Variants in NALCN observed in about 807,000 individuals in gnomAD.
NALCN encodes the protein sodium leak channel, non-selective.
In NALCN, 111 loss-of-function variants were observed where a neutral mutation model predicts 225.3. That is an observed-to-expected ratio of 0.49 (90% confidence interval 0.42 to 0.58). The LOEUF (loss-of-function observed/expected upper bound fraction) is 0.58, where lower values mean the gene tolerates loss of function less well. Among genes scored for constraint, NALCN ranks in the 20% least tolerant of loss-of-function variants. NALCN has a pLI of 0.00. For synonymous variants in NALCN, 764 were observed against 769.0 expected (o/e 0.99, Z 0.11); for missense variants, 1,378 against 2,202.4 (o/e 0.63, Z 7.49).
At chr13:101,125,755 C>T (rs2036199134) in intron 17 of NALCN, among the ~76,000 whole-genome samples, 1 of 152,186 alleles carries the variant, frequency 6.6e-6, no homozygotes, top group African/African-American at 2.4e-5. Context: ...GGAGGTTATA[C>T]TGGGCCTTGA....
intron 4 of NALCN, among the ~76,000 whole-genome samples, chr13:101,377,842 A>T (rs957923080): frequency 6.6e-6 from 1 of 151,864 alleles, no homozygotes; most frequent in South Asian, 2.1e-4. Context: ...GATCAAATCA[A>T]ATCAATAGAA....
At chr13:101,171,869 T>C (rs149448797) in intron 15 of NALCN, among the ~76,000 whole-genome samples, 3 of 152,356 alleles carry the variant, frequency 2.0e-5, no homozygotes, top group East Asian at 1.9e-4. Flanking sequence ...AAGAAATTCA[T>C]TGTAGCTTTA....
At chr13:101,156,023 T>C (rs1408790984) in intron 15 of NALCN, among the ~76,000 whole-genome samples, 1 of 152,202 alleles carries the variant, frequency 6.6e-6, no homozygotes, top group African/African-American at 2.4e-5. Context: ...CATGTATCTG[T>C]ATAAATATGT....
At chr13:101,204,794 T>C (rs993962277) in intron 13 of NALCN, among the ~76,000 whole-genome samples, 1 of 152,148 alleles carries the variant, frequency 6.6e-6, no homozygotes, top group Non-Finnish European at 1.5e-5. Flanking sequence ...CATGAATTTG[T>C]ACTAGGATTT....
intron 10 of NALCN, among the ~76,000 whole-genome samples, chr13:101,259,685 C>T (rs1404553049): frequency 6.7e-6 from 1 of 148,436 alleles, no homozygotes; most frequent in Non-Finnish European, 1.5e-5. Context: ...TACTATGTTC[C>T]AGGCCATATT....
intron 6 of NALCN, among the ~76,000 whole-genome samples, chr13:101,363,596 G>T (rs1393695988): frequency 1.3e-5 from 2 of 152,036 alleles, no homozygotes; most frequent in African/African-American, 4.8e-5. Flanking sequence ...AAGGATTAAA[G>T]ACTTAAATCT....
rs1246303394 is a variant in NALCN at position 101,258,581 on chromosome 13, G to A, written c.1135-7C>T. 5.0e-6 allele frequency: 8 copies of A among 1,614,000 alleles called. No homozygotes were observed. The highest frequency in any genetic ancestry group is 6.8e-6 in the Non-Finnish European group (8 of 1,180,010). ...CGGATGACCGCATCATTTTCTGAGGGGGCGAAACAGACAGACTCTTAACAA... is the reference window on the plus strand; with the variant it reads ...CGGATGACCGCATCATTTTCTGAGGAGGCGAAACAGACAGACTCTTAACAA... On this transcript the variant is annotated splice_region_variant and splice_polypyrimidine_tract_variant and intron_variant, in intron 10 of 43. Transcript: ENST00000251127.
chr13:101,183,543 TC>T (rs2039327671), intron 14 of NALCN, among the ~76,000 whole-genome samples: 1 of 152,156 alleles, frequency 6.6e-6, no homozygotes, highest in Non-Finnish European at 1.5e-5. Flanking sequence ...CACTGCAACC[TC>T]TACCTCCCGG....
At chr13:101,114,795 T>C (rs1380629919) in intron 18 of NALCN, among the ~76,000 whole-genome samples, 1 of 152,210 alleles carries the variant, frequency 6.6e-6, no homozygotes, top group African/African-American at 2.4e-5. Context: ...TTATTATCAC[T>C]GCCTTAAAAA....
At position 101,226,263 on chromosome 13, in the gene NALCN, CATCCCA is replaced by C. The variant is rs558520053; in HGVS notation, c.1626+3124_1626+3129del. ...TGAGACAGCCTCCCCTCCAACCAGA[CATCCCA>C]ATCCCAACCCCACAATAAACTTTCC... On this transcript the variant is annotated intron_variant, in intron 13 of 43. Coordinates refer to ENST00000251127, the MANE Select transcript of NALCN (RefSeq NM_052867.4). Among the ~76,000 whole-genome samples, 293 of 152,254 alleles carry C rather than the reference CATCCCA, an allele frequency of 1.9e-3. 1 individual carries two copies. The highest frequency in any genetic ancestry group is 4.2e-3 in the Admixed American group (64 of 15,290).
intron 34 of NALCN, among the ~76,000 whole-genome samples, chr13:101,078,685 CTCAGA>C (rs2033426056): frequency 6.6e-6 from 1 of 152,168 alleles, no homozygotes; most frequent in South Asian, 2.1e-4. Flanking sequence ...CTTTCCTGTT[CTCAGA>C]TAAGACTTTG....
intron 17 of NALCN, among the ~76,000 whole-genome samples, chr13:101,133,094 T>C (rs377172389): frequency 1.3e-5 from 2 of 152,276 alleles, no homozygotes; most frequent in Admixed American, 6.5e-5. Flanking sequence ...GAATATTAAT[T>C]TGATTAATTC....
At chr13:101,272,465 G>A (rs2042827997) in intron 10 of NALCN, among the ~76,000 whole-genome samples, 1 of 152,168 alleles carries the variant, frequency 6.6e-6, no homozygotes, top group Non-Finnish European at 1.5e-5. Flanking sequence ...CGTGAATGAA[G>A]CAATAGAGAA....
chr13:101,377,176 A>G, intron 4 of NALCN, 120 bp from the exon 5 acceptor site: 1 of 1,255,726 alleles, frequency 8.0e-7, no homozygotes, highest in Non-Finnish European at 1.1e-6. Flanking sequence ...TTAGCCATAC[A>G]TTATTTTCCA....
intron 15 of NALCN, among the ~76,000 whole-genome samples, chr13:101,157,888 G>T (rs547241563): frequency 1.2e-4 from 18 of 152,058 alleles, no homozygotes; most frequent in African/African-American, 4.1e-4. Context: ...GAGTAGCTGG[G>T]ATTATAGGCA....
intron 37 of NALCN, among the ~76,000 whole-genome samples, chr13:101,070,093 G>GTCTC (rs1350710917): frequency 5.4e-5 from 5 of 93,068 alleles, no homozygotes; most frequent in African/African-American, 2.2e-4. Context: ...TTGAGACGGA[G>GTCTC]TCTCACTCTG....
chr13:101,193,542 T>C (rs977009591), intron 13 of NALCN, among the ~76,000 whole-genome samples: 2 of 152,234 alleles, frequency 1.3e-5, no homozygotes, highest in Non-Finnish European at 2.9e-5. Context: ...TTGATTTTTC[T>C]ATAATCTCAT....
At chr13:101,215,972 G>T (rs1931083) in intron 13 of NALCN, among the ~76,000 whole-genome samples, 4 of 151,838 alleles carry the variant, frequency 2.6e-5, no homozygotes, top group Non-Finnish European at 5.9e-5. Flanking sequence ...CTATTCACAG[G>T]AATGACAGCC....
chr13:101,065,786 G>C (rs2032331837), intron 39 of NALCN, among the ~76,000 whole-genome samples: 1 of 152,110 alleles, frequency 6.6e-6, no homozygotes, highest in Non-Finnish European at 1.5e-5. Flanking sequence ...TCTCTTTCTG[G>C]GATGTCACCA....
Sources: gnomAD v4.1 joint callset for allele counts (sites outside exome capture counted in the v4.1 genomes callset) on GRCh38, gnomAD v4.1.1 for gene constraint, MANE v1.5 for transcripts, NCBI Gene and HGNC (gene_info 2026-07-23, HGNC 2026-07-21) for gene names.